The following CDK5RAP2 variants were observed in gnomAD, a reference collection of about 807,000 sequenced individuals.
CDK5RAP2 encodes CDK5 regulatory subunit-associated protein 2.
Under a neutral mutation model 232.9 loss-of-function variants are expected in CDK5RAP2, and 147 were observed. That is an observed-to-expected ratio of 0.63 (90% CI 0.55 to 0.72). The LOEUF is 0.72. Among genes scored for constraint, CDK5RAP2 ranks in the 30% least tolerant of loss-of-function variants. The pLI is 0.00. For missense variants in CDK5RAP2, 2,195 were observed against 2,231.5 expected (o/e 0.98, Z 0.33); for synonymous variants, 833 against 833.7 (o/e 1.00, Z 0.01).
intron 12 of CDK5RAP2, among the ~76,000 whole-genome samples, chr9:120,511,593 A>C (rs921152010): frequency 6.6e-6 from 1 of 152,152 alleles, no homozygotes; most frequent in African/African-American, 2.4e-5. Context: ...GTGCCAGCAA[A>C]AGCTGTCCTT....
intron 7 of CDK5RAP2, among the ~76,000 whole-genome samples, chr9:120,531,632 T>C (rs1441904090): frequency 1.3e-5 from 2 of 152,114 alleles, no homozygotes; most frequent in Non-Finnish European, 2.9e-5. Flanking sequence ...TTTTTTAACA[T>C]GTAACAATTA....
At chr9:120,396,068 A>C (rs2032438550) in intron 35 of CDK5RAP2, among the ~76,000 whole-genome samples, 1 of 152,280 alleles carries the variant, frequency 6.6e-6, no homozygotes, top group South Asian at 2.1e-4. Flanking sequence ...CTGGCCCTAC[A>C]TCAAAAGAAT....
intron 25 of CDK5RAP2, among the ~76,000 whole-genome samples, chr9:120,432,858 G>C (rs944642): frequency 0.11 from 16,441 of 152,270 alleles, 1,570 homozygotes; most frequent in East Asian, 0.38. Flanking sequence ...CCTTCAAGAA[G>C]AGGCCGACAG....
In CDK5RAP2 at chr9:120,471,848, C is replaced by T. The variant is rs772336306; in HGVS notation, c.1758G>A (p.Lys586=). ...SINNLQAELN[K]IFALRKQLEQ... ...CCAGTTGCTTCCGCAGGGCAAAAAT[C>T]TTGTTTAACTCAGCCTGCAGGTTGT... is the stretch of plus-strand genomic sequence containing the variant. The change falls in exon 16 of 38, where the codon AAG becomes AAA. Residue 586 remains lysine, a synonymous_variant. Coordinates refer to ENST00000349780, the MANE Select transcript of CDK5RAP2 (RefSeq NM_018249.6). 6.2e-7 allele frequency: 1 copy of T among 1,614,108 alleles called. No homozygotes were observed. Among genetic ancestry groups the T allele is most frequent in the Non-Finnish European group, 8.5e-7 (1 of 1,179,960 alleles).
chr9:120,524,849 G>C (rs770279698), intron 11 of CDK5RAP2, 137 bp downstream of exon 11: 4 of 669,704 alleles, frequency 6.0e-6, no homozygotes, highest in Non-Finnish European at 1.1e-5. Flanking sequence ...CCTTTAATTA[G>C]ACTAGCAAAT....
At chr9:120,548,783 G>T (rs2041945980) in intron 4 of CDK5RAP2, among the ~76,000 whole-genome samples, 1 of 152,226 alleles carries the variant, frequency 6.6e-6, no homozygotes, top group African/African-American at 2.4e-5. Context: ...CTACACTCCA[G>T]CTCGGTGACA....
At chr9:120,572,075 A>C (rs747768090) in intron 1 of CDK5RAP2, 34 bp from the exon 2 acceptor site, 1 of 1,498,614 alleles carries the variant, frequency 6.7e-7, no homozygotes, top group Admixed American at 1.7e-5. Flanking sequence ...GAGATGAGCT[A>C]ATGTTTGAAC....
At position 120,466,277 on chromosome 9, in the gene CDK5RAP2, C is replaced by T. The variant is rs528702890; in HGVS notation, c.2106+1583G>A. Among the ~76,000 whole-genome samples, 8 of 152,074 alleles carry T rather than the reference C, an allele frequency of 5.3e-5. 1 individual carries two copies. In the East Asian group the frequency reaches 1.2e-3, roughly 22 times the overall value. On this transcript the variant is annotated intron_variant, in intron 18 of 37. Transcript: ENST00000349780. ...AGAACCACGCATACTCCCAGAGAAC[C>T]GCAGGCTCCACTCTTTCCCATCTCA...
chr9:120,509,474 T>C (rs2039979229), intron 12 of CDK5RAP2, among the ~76,000 whole-genome samples: 1 of 152,254 alleles, frequency 6.6e-6, no homozygotes, highest in Admixed American at 6.5e-5. Context: ...CTAAAATAGA[T>C]ATCATCAACC....
At position 120,555,713 on chromosome 9, in the gene CDK5RAP2, T is replaced by C. The variant is rs919083626; in HGVS notation, c.196-4811A>G. Among the ~76,000 whole-genome samples the C allele has an allele frequency of 3.9e-5, 6 of 152,342 alleles. No individual in the cohort carries two copies. The East Asian group carries it at 1.2e-3, about 29-fold the overall frequency. ...CAATTCCACTCCTAGGTATTTATCC[T>C]AGAGACATGAAAACCTATGTTCACA... On this transcript the variant is annotated intron_variant, in intron 3 of 37. Coordinates refer to ENST00000349780, the MANE Select transcript of CDK5RAP2 (RefSeq NM_018249.6).
intron 2 of CDK5RAP2, among the ~76,000 whole-genome samples, chr9:120,571,477 A>C (rs1191899322): frequency 6.6e-6 from 1 of 152,218 alleles, no homozygotes; most frequent in Non-Finnish European, 1.5e-5. Context: ...ATCCAGCTTA[A>C]ACACAGTACG....
chr9:120,513,665 G>C (rs2040196826), intron 12 of CDK5RAP2, among the ~76,000 whole-genome samples: 2 of 152,166 alleles, frequency 1.3e-5, no homozygotes, highest in Non-Finnish European at 2.9e-5. Context: ...CTTTCTCTGT[G>C]CTCCTGTGGT....
intron 28 of CDK5RAP2, among the ~76,000 whole-genome samples, chr9:120,412,224 T>G (rs923575453): frequency 6.6e-6 from 1 of 150,888 alleles, no homozygotes; most frequent in Non-Finnish European, 1.5e-5. Flanking sequence ...ATACCTCTAT[T>G]TCACAGGTAA....
At chr9:120,540,640 C>T (rs889377538) in intron 5 of CDK5RAP2, among the ~76,000 whole-genome samples, 1 of 152,222 alleles carries the variant, frequency 6.6e-6, no homozygotes, top group South Asian at 2.1e-4. Flanking sequence ...CTGGACAGAT[C>T]TGCTTCTAAA....
At chr9:120,535,674 CT>C (rs1364621776) in intron 7 of CDK5RAP2, among the ~76,000 whole-genome samples, 12 of 152,330 alleles carry the variant, frequency 7.9e-5, no homozygotes, top group African/African-American at 2.6e-4. Flanking sequence ...ATAAACTCAA[CT>C]TTCTCCTGAC....
chr9:120,432,548 CAAGA>C (rs1253671757), intron 25 of CDK5RAP2, among the ~76,000 whole-genome samples: 1 of 152,202 alleles, frequency 6.6e-6, no homozygotes, highest in East Asian at 1.9e-4. Flanking sequence ...TATATGAATC[CAAGA>C]AAGAGCTACC....
rs1489603735 is a variant in CDK5RAP2 at position 120,550,774 on chromosome 9, G to A, written c.306+18C>T. The A allele has an allele frequency of 1.5e-6, 2 of 1,342,442 alleles. No individual in the cohort carries two copies. The highest frequency in any genetic ancestry group is 2.1e-6 in the Non-Finnish European group (2 of 931,702). 83.2% of individuals were successfully genotyped at this position (1,342,442 alleles called of 1,614,324 possible). A position where few individuals can be genotyped will look rare whatever the true frequency, so the allele number is the denominator to read the frequency against. On this transcript the variant is annotated intron_variant, in intron 4 of 37. Transcript: ENST00000349780. ...GAGAAAGGACACAAGGGACAGTAAT[G>A]AGAAATGGGCCACTCACAGTTTTGT...
intron 25 of CDK5RAP2, among the ~76,000 whole-genome samples, chr9:120,429,790 C>T (rs953326099): frequency 9.9e-5 from 15 of 152,134 alleles, no homozygotes; most frequent in South Asian, 2.1e-4. Flanking sequence ...AAAAAAGAGC[C>T]CGCATCGCCA....
At chr9:120,416,696 T>C (rs146877777) in intron 27 of CDK5RAP2, among the ~76,000 whole-genome samples, 1,627 of 152,282 alleles carry the variant, frequency 0.011, 19 homozygotes, top group Non-Finnish European at 0.018. Context: ...CAGGGGTAGG[T>C]TTCTAGAATC....
Sources: allele counts gnomAD v4.1 joint callset (sites outside exome capture counted in the v4.1 genomes callset), GRCh38; gene constraint gnomAD v4.1.1; transcripts MANE v1.5; gene names NCBI Gene and HGNC (gene_info 2026-07-23, HGNC 2026-07-21).